FBXL7: variants seen among roughly 807,000 people sequenced by gnomAD.
The protein encoded by FBXL7 is F-box and leucine rich repeat protein 7, also known as F-box/LRR-repeat protein 7.
FBXL7 carries 12 observed loss-of-function variants against 38.3 expected under a neutral mutation model. The ratio of observed to expected loss-of-function variants is 0.31; its 90% confidence interval spans 0.20 to 0.51. The LOEUF is 0.51. FBXL7 is among the 20% of genes least tolerant of loss of function. FBXL7 has a pLI of 0.98. For synonymous variants in FBXL7, 297 were observed against 300.9 expected (o/e 0.99, Z 0.13); for missense variants, 567 against 676.4 (o/e 0.84, Z 1.79).
At chr5:15,645,793 A>G (rs1488369730) in intron 2 of FBXL7, among the ~76,000 whole-genome samples, 3 of 152,210 alleles carry the variant, frequency 2.0e-5, no homozygotes, top group African/African-American at 4.8e-5. Flanking sequence ...TCAGTTCTAT[A>G]TGAAGGTTTT....
rs372851229 is a variant in FBXL7, at chr5:15,885,231, C to G, written c.128-42659C>G. 2.0e-5 allele frequency among the ~76,000 whole-genome samples: 3 copies of G among 152,276 alleles called. No individual in the cohort carries two copies. The East Asian group carries it at 5.8e-4, about 29-fold the overall frequency. Reference sequence around the variant, plus strand: ...CAAGAGCTGTTGCTCAGAGGCCTTCCCTGGTTTTTCACCATGTATGCCTCT... The same window carrying G: ...CAAGAGCTGTTGCTCAGAGGCCTTCGCTGGTTTTTCACCATGTATGCCTCT... On this transcript the variant is annotated intron_variant, in intron 2 of 3. Transcript: ENST00000504595.
chr5:15,710,270 A>G (rs1054697217), intron 2 of FBXL7, among the ~76,000 whole-genome samples: 2 of 152,068 alleles, frequency 1.3e-5, no homozygotes, highest in Non-Finnish European at 2.9e-5. Context: ...TCTGCTGTCA[A>G]TGTCTGCCAC....
chr5:15,721,390 C>T (rs545380417), intron 2 of FBXL7, among the ~76,000 whole-genome samples: 1 of 152,288 alleles, frequency 6.6e-6, no homozygotes, highest in African/African-American at 2.4e-5. Context: ...AAGGTAACAT[C>T]ACCCATAATA....
At chr5:15,725,735 C>T (rs1744327671) in intron 2 of FBXL7, among the ~76,000 whole-genome samples, 1 of 152,112 alleles carries the variant, frequency 6.6e-6, no homozygotes, top group African/African-American at 2.4e-5. Context: ...CTCCCATGTT[C>T]AAGCAATTCT....
intron 2 of FBXL7, among the ~76,000 whole-genome samples, chr5:15,892,847 G>GCCTAATCCT (rs1289637070): frequency 2.0e-5 from 3 of 152,224 alleles, no homozygotes; most frequent in African/African-American, 7.2e-5. Context: ...GCCGGGCGCG[G>GCCTAATCCT]TGGCTCACGC....
At chr5:15,722,475 G>T (rs1371791520) in intron 2 of FBXL7, among the ~76,000 whole-genome samples, 2 of 152,132 alleles carry the variant, frequency 1.3e-5, no homozygotes, top group African/African-American at 4.8e-5. Context: ...CACAGTAATT[G>T]CATAATTTGG....
At chr5:15,567,618 T>G (rs889655224) in intron 1 of FBXL7, among the ~76,000 whole-genome samples, 1 of 151,856 alleles carries the variant, frequency 6.6e-6, no homozygotes, top group East Asian at 1.9e-4. Context: ...TATTATACTT[T>G]AAGTTTTAGG....
At chr5:15,905,280 G>C (rs1209730562) in intron 2 of FBXL7, among the ~76,000 whole-genome samples, 1 of 152,108 alleles carries the variant, frequency 6.6e-6, no homozygotes, top group Non-Finnish European at 1.5e-5. Context: ...CTCTTTTTAA[G>C]CTAAAATTAA....
intron 2 of FBXL7, among the ~76,000 whole-genome samples, chr5:15,820,419 C>A (rs554780007): frequency 1.6e-4 from 25 of 152,176 alleles, no homozygotes; most frequent in African/African-American, 5.8e-4. Flanking sequence ...TCTTACCCCG[C>A]CTTTCACTGG....
At chr5:15,585,362 C>T (rs1465512366) in intron 1 of FBXL7, among the ~76,000 whole-genome samples, 1 of 152,108 alleles carries the variant, frequency 6.6e-6, no homozygotes, top group East Asian at 1.9e-4. Context: ...GAAATGATGA[C>T]AAATAAGAGT....
Position 15,939,402 on chromosome 5 carries a change from G to T in FBXL7, c.*2216G>T, listed in dbSNP as rs936725878. The stretch of plus-strand genomic sequence containing the variant: ...TTAATACTCTGAGAATGAGCAGGGA[G>T]ATCCAGAGAATGAATCCCTGACCGC... On this transcript the variant is annotated 3_prime_UTR_variant, in exon 4 of 4. Transcript: ENST00000504595. 9.8e-6 allele frequency: 2 copies of T among 203,646 alleles called. No homozygotes were observed. The highest frequency in any genetic ancestry group is 6.0e-5 in the Admixed American group (1 of 16,712). 12.6% of individuals were successfully genotyped at this position (203,646 alleles called of 1,614,324 possible).
At chr5:15,912,633 A>T (rs1194275939) in intron 2 of FBXL7, among the ~76,000 whole-genome samples, 1 of 151,970 alleles carries the variant, frequency 6.6e-6, no homozygotes, top group Non-Finnish European at 1.5e-5. Context: ...ATTATTATTA[A>T]CTTTGCATTA....
intron 1 of FBXL7, among the ~76,000 whole-genome samples, chr5:15,561,429 A>T (rs889979268): frequency 1.3e-5 from 2 of 152,124 alleles, no homozygotes; most frequent in African/African-American, 4.8e-5. Flanking sequence ...ATTCCGTTGT[A>T]TAAATGCATA....
chr5:15,575,982 T>C (rs1738949312), intron 1 of FBXL7, among the ~76,000 whole-genome samples: 2 of 152,176 alleles, frequency 1.3e-5, no homozygotes, highest in African/African-American at 4.8e-5. Context: ...CACTGTGTTT[T>C]TTTGTGTTTG....
At chr5:15,829,952 G>A (rs1041011646) in intron 2 of FBXL7, among the ~76,000 whole-genome samples, 2 of 152,050 alleles carry the variant, frequency 1.3e-5, no homozygotes, top group Non-Finnish European at 2.9e-5. Flanking sequence ...ACTGAAATCC[G>A]AATCATTTAC....
At chr5:15,717,273 G>C (rs1269596240) in intron 2 of FBXL7, among the ~76,000 whole-genome samples, 1 of 152,188 alleles carries the variant, frequency 6.6e-6, no homozygotes, top group Non-Finnish European at 1.5e-5. Flanking sequence ...GTCCCCTGCT[G>C]CTCCTATGGC....
intron 1 of FBXL7, among the ~76,000 whole-genome samples, chr5:15,571,736 G>C (rs1021936352): frequency 1.3e-5 from 2 of 152,064 alleles, no homozygotes; most frequent in African/African-American, 4.8e-5. Context: ...AGGCTTTTGG[G>C]TGAGGTATTG....
chr5:15,864,772 G>A (rs1479994613), intron 2 of FBXL7, among the ~76,000 whole-genome samples: 3 of 152,170 alleles, frequency 2.0e-5, no homozygotes, highest in Non-Finnish European at 4.4e-5. Context: ...GAATAAGTCA[G>A]CAGGTTCAGT....
intron 2 of FBXL7, among the ~76,000 whole-genome samples, chr5:15,662,604 A>G (rs961630845): frequency 6.6e-6 from 1 of 152,016 alleles, no homozygotes; most frequent in Non-Finnish European, 1.5e-5. Context: ...TATTGCCTAG[A>G]TTGTCTTCCA....
Sources: allele counts gnomAD v4.1 joint callset (sites outside exome capture counted in the v4.1 genomes callset), GRCh38; gene constraint gnomAD v4.1.1; transcripts MANE v1.5; gene names NCBI Gene and HGNC (gene_info 2026-07-23, HGNC 2026-07-21).